ASTN1: variants seen among roughly 807,000 people sequenced by gnomAD.
The protein encoded by ASTN1 is astrotactin 1.
ASTN1 carries 41 observed loss-of-function variants against 140.7 expected under a neutral mutation model. The observed-to-expected ratio is 0.29, with a 90% confidence interval of 0.23 to 0.38. The LOEUF is 0.38. Among genes scored for constraint, ASTN1 ranks in the 10% least tolerant of loss-of-function variants. ASTN1 has a pLI of 1.00. For missense variants in ASTN1, 1,479 were observed against 1,678.8 expected, an observed-to-expected ratio of 0.88 and a Z score of 2.08; for synonymous variants, 640 against 652.2, an observed-to-expected ratio of 0.98 and a Z score of 0.29.
intron 8 of ASTN1, among the ~76,000 whole-genome samples, chr1:177,003,500 TA>T (rs549958101): frequency 3.9e-4 from 59 of 151,978 alleles, no homozygotes; most frequent in Admixed American, 3.1e-3. Context: ...CTCAAAATAA[TA>T]AAAGCCATAT....
rs535918100 is a variant in ASTN1, at chr1:177,001,631, C to T, written c.1523+13160G>A. Among the ~76,000 whole-genome samples, 5 of 152,292 alleles carry T rather than the reference C, an allele frequency of 3.3e-5. No homozygotes were observed. The South Asian group carries it at 8.3e-4, about 25-fold the overall frequency. On this transcript the variant is annotated intron_variant, in intron 8 of 22. Coordinates refer to ENST00000361833, the MANE Select transcript of ASTN1 (RefSeq NM_004319.3). ...TTCCAAGGTTGTGTTCTTCCCATTA[C>T]GTTCTGCTGCCTCTCTTAAAGATAC...
chr1:177,036,903 T>C (rs1676744859), intron 2 of ASTN1, among the ~76,000 whole-genome samples: 3 of 152,114 alleles, frequency 2.0e-5, no homozygotes, highest in South Asian at 4.1e-4. Context: ...CACTGCAACC[T>C]CCATCTCCCA....
intron 8 of ASTN1, among the ~76,000 whole-genome samples, chr1:176,999,036 T>A (rs995749108): frequency 6.6e-6 from 1 of 152,168 alleles, no homozygotes; most frequent in Non-Finnish European, 1.5e-5. Context: ...TGACAGTAAA[T>A]TATTACCTAT....
intron 1 of ASTN1, 89 bp from the exon 2 acceptor site, chr1:177,061,354 G>T: frequency 1.5e-6 from 2 of 1,295,672 alleles, no homozygotes; most frequent in Non-Finnish European, 1.0e-6. Flanking sequence ...CAATTAGCCA[G>T]TTTCGTCTGA....
chr1:177,073,362 T>G (rs1157281334), intron 1 of ASTN1, among the ~76,000 whole-genome samples: 2 of 152,016 alleles, frequency 1.3e-5, no homozygotes, highest in Non-Finnish European at 2.9e-5. Context: ...AAGTTTCATA[T>G]AAATCATACC....
At chr1:177,152,350 C>T (rs1683075719) in intron 1 of ASTN1, among the ~76,000 whole-genome samples, 1 of 151,980 alleles carries the variant, frequency 6.6e-6, no homozygotes, top group Non-Finnish European at 1.5e-5. Context: ...ACGTGTATAG[C>T]ATCACGTTCC....
intron 7 of ASTN1, among the ~76,000 whole-genome samples, chr1:177,017,130 A>G (rs1246577664): frequency 1.3e-5 from 2 of 152,212 alleles, no homozygotes; most frequent in Non-Finnish European, 2.9e-5. Flanking sequence ...AGCAATACCT[A>G]CCATTTGTAT....
intron 2 of ASTN1, among the ~76,000 whole-genome samples, chr1:177,059,324 C>T (rs1677966553): frequency 6.6e-6 from 1 of 152,130 alleles, no homozygotes; most frequent in African/African-American, 2.4e-5. Flanking sequence ...CCAGTCAATG[C>T]CAGGGCCAAT....
intron 1 of ASTN1, among the ~76,000 whole-genome samples, chr1:177,116,958 T>C (rs1444976199): frequency 1.3e-5 from 2 of 152,086 alleles, no homozygotes; most frequent in South Asian, 2.1e-4. Flanking sequence ...AATTATTACC[T>C]CTATCCTAAT....
intron 7 of ASTN1, among the ~76,000 whole-genome samples, chr1:177,017,702 G>A (rs765755811): frequency 1.3e-5 from 2 of 152,182 alleles, no homozygotes; most frequent in Admixed American, 6.5e-5. Flanking sequence ...CAGACAGAGT[G>A]TGCCCTGCAG....
chr1:176,880,567 A>G (rs1190117070), intron 20 of ASTN1, among the ~76,000 whole-genome samples: 1 of 152,200 alleles, frequency 6.6e-6, no homozygotes, highest in Non-Finnish European at 1.5e-5. Context: ...TCTTTCAAGT[A>G]GGAGTTCTTC....
In ASTN1 at chr1:176,957,703, C is replaced by T. The variant is rs770355300; in HGVS notation, c.1862G>A (p.Arg621His). 1.4e-5 allele frequency: 22 copies of T among 1,614,038 alleles called. No individual in the cohort carries two copies. Among genetic ancestry groups the T allele is most frequent in the Non-Finnish European group, 1.8e-5 (21 of 1,179,952 alleles). Residue 621 changes from arginine (R) to histidine (H), a missense_variant, in exon 11 of 23, where the codon CGC (arginine) becomes CAC (histidine). Arg to His is a conservative substitution (Grantham distance 29). Around this residue, in one of 3 missense-constraint regions of ASTN1, gnomAD observed 729 missense variants for 860.4 expected, o/e 0.85. Transcript: ENST00000361833. ...CSKNFRCISD[R>H]KLDSTGCVCP... ...CACGCAACCAGTGGAGTCCAGCTTGCGATCTGAAATACAGCGGAAATTCTT... is the reference window on the plus strand; with the variant it reads ...CACGCAACCAGTGGAGTCCAGCTTGTGATCTGAAATACAGCGGAAATTCTT...
intron 1 of ASTN1, among the ~76,000 whole-genome samples, chr1:177,134,958 G>C (rs1682117316): frequency 6.6e-6 from 1 of 152,134 alleles, no homozygotes; most frequent in Non-Finnish European, 1.5e-5. Context: ...GAATAATGAA[G>C]AGGTTCAAGT....
At chr1:176,988,309 T>G (rs1673998382) in intron 8 of ASTN1, among the ~76,000 whole-genome samples, 1 of 107,402 alleles carries the variant, frequency 9.3e-6, no homozygotes, top group South Asian at 2.8e-4. Flanking sequence ...TTGCAGAGGA[T>G]ATATTGGGAA....
Position 176,865,173 on chromosome 1 carries a change from C to T in ASTN1, c.3648-652G>A, listed in dbSNP as rs116492537. ...CCTCAGAAAGTCAGGAGGCCATTATCATTGTCACTTAGCCCCAGTCAAAGG... is the reference window on the plus strand; with the variant it reads ...CCTCAGAAAGTCAGGAGGCCATTATTATTGTCACTTAGCCCCAGTCAAAGG... On this transcript the variant is annotated intron_variant, in intron 22 of 22. Coordinates refer to ENST00000361833, the MANE Select transcript of ASTN1 (RefSeq NM_004319.3). Among the ~76,000 whole-genome samples the T allele has an allele frequency of 5.5e-3, 833 of 152,336 alleles. 8 individuals carry two copies. The highest frequency in any genetic ancestry group is 0.019 in the African/African-American group (790 of 41,582).
At chr1:177,031,567 T>C (rs1486805911) in intron 3 of ASTN1, among the ~76,000 whole-genome samples, 1 of 152,180 alleles carries the variant, frequency 6.6e-6, no homozygotes, top group African/African-American at 2.4e-5. Context: ...TTAAATCTCA[T>C]TAGAAATTGG....
Position 176,862,596 on chromosome 1 carries a change from C to T in ASTN1, c.*1688G>A. On this transcript the variant is annotated 3_prime_UTR_variant, in exon 23 of 23. Transcript: ENST00000361833. ...ATCCCAGAGTAGCTAAGATCCTGTG[C>T]CCTGGAGACCAACAGCCTGAAATCA... 1 of 983,456 alleles carries T rather than the reference C, an allele frequency of 1.0e-6. No individual in the cohort carries two copies. Among genetic ancestry groups the T allele is most frequent in the Non-Finnish European group, 1.2e-6 (1 of 828,210 alleles). The allele number at this position is 983,456 out of a possible 1,614,324, so 60.9% of individuals were successfully genotyped here.
At chr1:177,057,874 T>C (rs1677891214) in intron 2 of ASTN1, among the ~76,000 whole-genome samples, 1 of 152,194 alleles carries the variant, frequency 6.6e-6, no homozygotes. Flanking sequence ...ATGCCTCAAA[T>C]AGCTGCCTAC....
intron 21 of ASTN1, among the ~76,000 whole-genome samples, chr1:176,872,348 C>A (rs1400641075): frequency 6.6e-6 from 1 of 152,104 alleles, no homozygotes; most frequent in Non-Finnish European, 1.5e-5. Context: ...ACCCTTATGG[C>A]ACTTACAGTC....
Sources: allele counts gnomAD v4.1 joint callset (sites outside exome capture counted in the v4.1 genomes callset), GRCh38; gene constraint gnomAD v4.1.1; regional missense constraint gnomAD v4.1.1; transcripts MANE v1.5; gene names NCBI Gene and HGNC (gene_info 2026-07-23, HGNC 2026-07-21).